The following CTNNA3 variants were observed in gnomAD, a reference collection of about 807,000 sequenced individuals.
CTNNA3 encodes the protein catenin alpha-3.
Under a neutral mutation model 95.7 loss-of-function variants are expected in CTNNA3, and 76 were observed. The ratio of observed to expected loss-of-function variants is 0.79; its 90% CI spans 0.66 to 0.96. The LOEUF is 0.96. Ranked by LOEUF, CTNNA3 falls within the 40% of genes least tolerant of loss-of-function variation. The probability of loss-of-function intolerance (pLI) is 0.00; values close to 1 mark genes in which losing one functional copy is unlikely to be tolerated. For synonymous variants in CTNNA3, 431 were observed against 374.4 expected, an observed-to-expected ratio of 1.15 and a Z score of -1.74; for missense variants, 1,191 against 1,089.8, an observed-to-expected ratio of 1.09 and a Z score of -1.31.
At position 67,370,970 on chromosome 10, in the gene CTNNA3, C is replaced by T. The variant is rs1287712364; in HGVS notation, c.579+150872G>A. ...CAAGCTGCGCCTCCCGGGTTCACGC[C>T]ATTCTCCTGCCTCAGCCTCCCAAGT... On this transcript the variant is annotated intron_variant, in intron 5 of 17. Coordinates refer to ENST00000433211, the MANE Select transcript of CTNNA3 (RefSeq NM_013266.4). Among the ~76,000 whole-genome samples the T allele has an allele frequency of 2.0e-5, 3 of 149,164 alleles. No homozygotes were observed. In the East Asian group the frequency reaches 5.9e-4, roughly 29 times the overall value.
intron 5 of CTNNA3, among the ~76,000 whole-genome samples, chr10:67,231,150 G>T (rs569518109): frequency 9.9e-4 from 151 of 152,366 alleles, no homozygotes; most frequent in African/African-American, 3.5e-3. Context: ...CAGCTGGGAA[G>T]CTCAAACTGG....
At chr10:67,733,803 A>G (rs1192831782) in intron 1 of CTNNA3, among the ~76,000 whole-genome samples, 1 of 152,176 alleles carries the variant, frequency 6.6e-6, no homozygotes, top group Non-Finnish European at 1.5e-5. Context: ...TTGTAAGGGT[A>G]TATTCTGGGC....
intron 5 of CTNNA3, among the ~76,000 whole-genome samples, chr10:67,412,693 G>T (rs763878121): frequency 2.0e-5 from 3 of 151,976 alleles, no homozygotes; most frequent in Non-Finnish European, 4.4e-5. Context: ...AGAGATTAGG[G>T]GCCTATTTTC....
At chr10:66,854,522 G>A (rs997713700) in intron 7 of CTNNA3, among the ~76,000 whole-genome samples, 3 of 151,828 alleles carry the variant, frequency 2.0e-5, no homozygotes, top group Non-Finnish European at 4.4e-5. Context: ...ACCTAAGAGA[G>A]GTGCAGATAA....
At chr10:67,023,734 AT>A (rs547144792) in intron 7 of CTNNA3, among the ~76,000 whole-genome samples, 1 of 152,212 alleles carries the variant, frequency 6.6e-6, no homozygotes, top group Non-Finnish European at 1.5e-5. Flanking sequence ...TCAAGGAAAA[AT>A]TACATAGAAT....
intron 10 of CTNNA3, among the ~76,000 whole-genome samples, chr10:66,540,199 T>C (rs544139552): frequency 6.6e-5 from 10 of 152,274 alleles, no homozygotes. Flanking sequence ...TAGAAAGTAC[T>C]TAAATATGAG....
At chr10:67,243,004 AAACT>A (rs1865773996) in intron 5 of CTNNA3, among the ~76,000 whole-genome samples, 1 of 152,206 alleles carries the variant, frequency 6.6e-6, no homozygotes, top group African/African-American at 2.4e-5. Flanking sequence ...TCCATGCAAC[AAACT>A]ATTAGCCATA....
chr10:67,532,731 G>A (rs918721610), intron 4 of CTNNA3, among the ~76,000 whole-genome samples: 42 of 152,172 alleles, frequency 2.8e-4, no homozygotes, highest in African/African-American at 9.4e-4. Context: ...AGGGAAAGAA[G>A]GTGAAAGAGA....
At chr10:66,092,585 G>T (rs1564634615) in intron 14 of CTNNA3, among the ~76,000 whole-genome samples, 1 of 151,900 alleles carries the variant, frequency 6.6e-6, no homozygotes, top group Non-Finnish European at 1.5e-5. Flanking sequence ...TTAAAGAATG[G>T]ATGGCAGGCT....
Position 67,695,983 on chromosome 10 carries a change from A to C in CTNNA3, c.-6+17T>G, listed in dbSNP as rs1840956892. 6.6e-6 allele frequency: 1 copy of C among 152,208 alleles called. No homozygotes were observed. Among genetic ancestry groups the C allele is most frequent in the Non-Finnish European group, 1.5e-5 (1 of 68,030 alleles). 9.4% of individuals were successfully genotyped at this position (152,208 alleles called of 1,614,324 possible). A position where few individuals can be genotyped will look rare whatever the true frequency, so the allele number is the denominator to read the frequency against. On this transcript the variant is annotated intron_variant, in intron 1 of 17. Coordinates refer to ENST00000433211, the MANE Select transcript of CTNNA3 (RefSeq NM_013266.4). The stretch of plus-strand genomic sequence containing the variant: ...TCGCTGAAGTTCAGCTCTTCTCTTT[A>C]CAAACTTGATTCTTACCTTTCTGTT...
rs762469742 is a variant in CTNNA3, at chr10:65,988,788, T to C, written c.2169A>G (p.Gly723=). The change falls in exon 16 of 18, where the codon GGA becomes GGG. Residue 723 remains glycine, a synonymous_variant. Transcript: ENST00000433211. ...TCACATCAGTTGTATGCTTTAGTGG[T>C]CCTTTGCCCCTGGAAAAAAATTTAT... ...MEMTDFTRGK[G]PLKHTTDVIY... 8.1e-6 allele frequency: 13 copies of C among 1,612,316 alleles called. No individual in the cohort carries two copies. The South Asian group carries it at 1.3e-4, about 16-fold the overall frequency.
intron 10 of CTNNA3, among the ~76,000 whole-genome samples, chr10:66,553,677 G>A (rs1250717682): frequency 6.6e-6 from 1 of 151,116 alleles, no homozygotes; most frequent in African/African-American, 2.4e-5. Context: ...ACAGGTGACC[G>A]CCACCACACC....
chr10:66,911,574 T>C (rs1290893689), intron 7 of CTNNA3, among the ~76,000 whole-genome samples: 1 of 152,190 alleles, frequency 6.6e-6, no homozygotes, highest in Non-Finnish European at 1.5e-5. Flanking sequence ...AGAATGATTA[T>C]AAGAAATAGA....
At chr10:66,289,767 A>C (rs1285854731) in intron 12 of CTNNA3, among the ~76,000 whole-genome samples, 1 of 152,192 alleles carries the variant, frequency 6.6e-6, no homozygotes, top group African/African-American at 2.4e-5. Flanking sequence ...ATACAAGAAA[A>C]TGAAGTTTTA....
chr10:66,533,134 A>T (rs1841528841), intron 10 of CTNNA3, among the ~76,000 whole-genome samples: 1 of 152,154 alleles, frequency 6.6e-6, no homozygotes, highest in South Asian at 2.1e-4. Flanking sequence ...TACTTAATTT[A>T]GCCTAAGGCC....
chr10:66,962,981 T>TGAAC (rs1849202297), intron 7 of CTNNA3, among the ~76,000 whole-genome samples: 1 of 152,226 alleles, frequency 6.6e-6, no homozygotes, highest in Admixed American at 6.5e-5. Flanking sequence ...GTTGACTGAA[T>TGAAC]GAATGAATGA....
chr10:66,190,374 T>C (rs1439448742), intron 13 of CTNNA3, among the ~76,000 whole-genome samples: 1 of 152,146 alleles, frequency 6.6e-6, no homozygotes, highest in African/African-American at 2.4e-5. Flanking sequence ...ATTCAACTGA[T>C]GGAAACGAAA....
intron 14 of CTNNA3, among the ~76,000 whole-genome samples, chr10:66,084,195 G>T: frequency 7.8e-6 from 1 of 127,722 alleles, no homozygotes. Flanking sequence ...AAAAAGAAAT[G>T]ATAGTGAGTT....
intron 15 of CTNNA3, among the ~76,000 whole-genome samples, chr10:66,001,903 T>C (rs1285798720): frequency 6.6e-6 from 1 of 152,056 alleles, no homozygotes; most frequent in Non-Finnish European, 1.5e-5. Context: ...ATTCTTTTAG[T>C]GAGAAAAAAG....
Sources: gnomAD v4.1 joint callset for allele counts (sites outside exome capture counted in the v4.1 genomes callset) on GRCh38, gnomAD v4.1.1 for gene constraint, MANE v1.5 for transcripts, NCBI Gene and HGNC (gene_info 2026-07-23, HGNC 2026-07-21) for gene names.